Variants in PTPRD observed in about 807,000 individuals in gnomAD.
PTPRD encodes receptor-type tyrosine-protein phosphatase delta.
In PTPRD, 34 loss-of-function variants were observed where a neutral mutation model predicts 214.5. The ratio of observed to expected loss-of-function variants is 0.16; its 90% CI spans 0.12 to 0.21. The LOEUF is 0.21. PTPRD is among the 10% of genes least tolerant of loss of function. The pLI, the probability that PTPRD is intolerant of heterozygous loss-of-function variation, is 1.00. For synonymous variants in PTPRD, 1,128 were observed against 845.7 expected, an observed-to-expected ratio of 1.33 and a Z score of -5.79; for missense variants, 2,545 against 2,398.7, an observed-to-expected ratio of 1.06 and a Z score of -1.27.
At chr9:9,980,635 CAAAAAA>C (rs1172955634) in intron 4 of PTPRD, among the ~76,000 whole-genome samples, 1 of 34,004 alleles carries the variant, frequency 2.9e-5, no homozygotes, top group Non-Finnish European at 5.7e-5. Flanking sequence ...AAAAAAAAAA[CAAAAAA>C]AAAAACCCTT....
At chr9:10,520,542 C>T (rs2051835283) in intron 2 of PTPRD, among the ~76,000 whole-genome samples, 1 of 152,176 alleles carries the variant, frequency 6.6e-6, no homozygotes. Context: ...ATGGAATTGG[C>T]TACACTCACC....
intron 10 of PTPRD, among the ~76,000 whole-genome samples, chr9:9,176,144 G>A (rs142632423): frequency 3.9e-5 from 6 of 152,300 alleles, no homozygotes; most frequent in South Asian, 2.1e-4. Flanking sequence ...GCATGAGGCA[G>A]ATAAACTTAA....
At chr9:9,201,973 G>C (rs878888026) in intron 9 of PTPRD, among the ~76,000 whole-genome samples, 2 of 152,212 alleles carry the variant, frequency 1.3e-5, no homozygotes, top group Admixed American at 1.3e-4. Context: ...AAAGAGGAGA[G>C]AGTGTTGAAT....
intron 9 of PTPRD, among the ~76,000 whole-genome samples, chr9:9,194,857 C>A (rs1346166837): frequency 6.6e-6 from 1 of 151,902 alleles, no homozygotes; most frequent in Non-Finnish European, 1.5e-5. Flanking sequence ...CAGTTGGGTT[C>A]TAGTATGGAT....
chr9:10,014,720 C>A (rs1236451056), intron 4 of PTPRD, among the ~76,000 whole-genome samples: 2 of 151,936 alleles, frequency 1.3e-5, no homozygotes, highest in Non-Finnish European at 2.9e-5. Flanking sequence ...TGATTTGGAA[C>A]AAATGCATAT....
chr9:8,337,926 A>T (rs1248649270), intron 43 of PTPRD, among the ~76,000 whole-genome samples: 1 of 151,714 alleles, frequency 6.6e-6, no homozygotes, highest in Non-Finnish European at 1.5e-5. Context: ...CTAGAGATTT[A>T]ACTGCTGCCT....
chr9:9,381,464 A>C (rs1486416018), intron 9 of PTPRD, among the ~76,000 whole-genome samples: 1 of 150,786 alleles, frequency 6.6e-6, no homozygotes, highest in Non-Finnish European at 1.5e-5. Flanking sequence ...GGGCTCAAGT[A>C]ATCTTCTCAC....
At chr9:9,412,099 G>A (rs954211644) in intron 8 of PTPRD, among the ~76,000 whole-genome samples, 33 of 152,190 alleles carry the variant, frequency 2.2e-4, no homozygotes, top group African/African-American at 7.0e-4. Flanking sequence ...CAAATTTTAT[G>A]TAAAACTCAA....
At chr9:10,091,596 T>C (rs1214892982) in intron 3 of PTPRD, among the ~76,000 whole-genome samples, 1 of 151,552 alleles carries the variant, frequency 6.6e-6, no homozygotes, top group Non-Finnish European at 1.5e-5. Flanking sequence ...AAATAATTGT[T>C]GTTTGGAATT....
chr9:9,784,321 A>T (rs1282669791), intron 5 of PTPRD, among the ~76,000 whole-genome samples: 2 of 152,100 alleles, frequency 1.3e-5, no homozygotes, highest in African/African-American at 4.8e-5. Context: ...TTTTAAAGTG[A>T]ATATTAAGAA....
At chr9:8,401,307 G>A (rs1166740898) in intron 36 of PTPRD, among the ~76,000 whole-genome samples, 1 of 151,910 alleles carries the variant, frequency 6.6e-6, no homozygotes, top group African/African-American at 2.4e-5. Flanking sequence ...TGGGACTACA[G>A]GCACGTACCA....
intron 5 of PTPRD, among the ~76,000 whole-genome samples, chr9:9,894,064 T>A (rs1231766985): frequency 6.6e-6 from 1 of 152,054 alleles, no homozygotes; most frequent in African/African-American, 2.4e-5. Flanking sequence ...ACTTCCTGCC[T>A]TTCCTTGGCC....
chr9:9,608,612 G>C (rs1291949509), intron 7 of PTPRD, among the ~76,000 whole-genome samples: 4 of 152,186 alleles, frequency 2.6e-5, no homozygotes, highest in African/African-American at 9.7e-5. Context: ...TGTCATCCTT[G>C]AGGTTGTGGA....
At chr9:9,904,904 G>A (rs1351187745) in intron 5 of PTPRD, among the ~76,000 whole-genome samples, 3 of 152,036 alleles carry the variant, frequency 2.0e-5, no homozygotes, top group East Asian at 1.9e-4. Flanking sequence ...TTCTCATACT[G>A]AAAGTGCCTT....
chr9:9,896,919 G>C (rs1205068466), intron 5 of PTPRD, among the ~76,000 whole-genome samples: 1 of 151,960 alleles, frequency 6.6e-6, no homozygotes, highest in Admixed American at 6.6e-5. Flanking sequence ...ATGAGTGAAC[G>C]TGAGCAGATT....
At chr9:10,154,433 G>A (rs766588812) in intron 3 of PTPRD, among the ~76,000 whole-genome samples, 1 of 151,978 alleles carries the variant, frequency 6.6e-6, no homozygotes, top group Non-Finnish European at 1.5e-5. Context: ...TTTATGAATA[G>A]TTTCTTTTGT....
At chr9:9,180,463 C>G (rs4269595) in intron 10 of PTPRD, among the ~76,000 whole-genome samples, 95,329 of 102,558 alleles carry the variant, frequency 0.93, 44,226 homozygotes, top group South Asian at 0.97. Context: ...GGGGGGAGGG[C>G]GGAGGGATAG....
At chr9:9,087,711 G>A (rs1426721002) in intron 10 of PTPRD, among the ~76,000 whole-genome samples, 1 of 151,972 alleles carries the variant, frequency 6.6e-6, no homozygotes, top group Non-Finnish European at 1.5e-5. Flanking sequence ...GGCTCAGGGA[G>A]CTTGTAGTAA....
intron 11 of PTPRD, among the ~76,000 whole-genome samples, chr9:8,764,814 A>G (rs201096362): frequency 1.4e-5 from 2 of 146,842 alleles, no homozygotes; most frequent in Non-Finnish European, 1.5e-5. Flanking sequence ...TAATGATAAT[A>G]ATAATAATAA....
Sources: gnomAD v4.1 joint callset for allele counts (sites outside exome capture counted in the v4.1 genomes callset) on GRCh38, gnomAD v4.1.1 for gene constraint, MANE v1.5 for transcripts, NCBI Gene and HGNC (gene_info 2026-07-23, HGNC 2026-07-21) for gene names.